The following PPP2R5C variants were observed in gnomAD, a reference collection of about 807,000 sequenced individuals.
PPP2R5C encodes protein phosphatase 2 regulatory subunit B'gamma, also known as serine/threonine-protein phosphatase 2A 56 kDa regulatory subunit gamma isoform.
In PPP2R5C, 7 loss-of-function variants were observed where a neutral mutation model predicts 68.9. That is an observed-to-expected ratio of 0.10 (90% CI 0.06 to 0.19). The LOEUF (loss-of-function observed/expected upper bound fraction) is 0.19. Ranked by LOEUF, PPP2R5C falls within the 10% of genes least tolerant of loss-of-function variation. The pLI is 1.00. For synonymous variants in PPP2R5C, 210 were observed against 222.2 expected (o/e 0.95, Z 0.49); for missense variants, 348 against 641.3 (o/e 0.54, Z 4.94).
At chr14:101,872,336 C>CCTCACACCCCAACCCCAA (rs2043480200) in intron 2 of PPP2R5C, among the ~76,000 whole-genome samples, 1 of 151,154 alleles carries the variant, frequency 6.6e-6, no homozygotes, top group Non-Finnish European at 1.5e-5. Context: ...AGTCCTCCCA[C>CCTCACACCCCAACCCCAA]CTCACACCCC....
chr14:101,779,980 T>C (rs1170041427), intron 2 of PPP2R5C, among the ~76,000 whole-genome samples: 1 of 152,108 alleles, frequency 6.6e-6, no homozygotes, highest in Non-Finnish European at 1.5e-5. Context: ...AAGCCCCAGG[T>C]CCCCATTGCC....
rs373965361 is a variant in PPP2R5C, at chr14:101,883,582, C to T, written c.629+20C>T. ...TTATAGGTAAGTCACGTGTGGATGG[C>T]GTTGTCCTTGTGTGTGGTGATGCTC... On this transcript the variant is annotated intron_variant, in intron 5 of 13. Coordinates refer to ENST00000334743, the Ensembl canonical transcript of PPP2R5C. 8.1e-6 allele frequency: 13 copies of T among 1,609,664 alleles called. No individual in the cohort carries two copies. Among genetic ancestry groups the T allele is most frequent in the African/African-American group, 8.0e-5 (6 of 74,606 alleles).
At chr14:101,765,026 A>G (rs761903300) in intron 2 of PPP2R5C, 2 of 614,214 alleles carry the variant, frequency 3.3e-6, no homozygotes, top group Non-Finnish European at 5.9e-6. Flanking sequence ...TCAGTAGTTC[A>G]AAGATACCAA....
chr14:101,904,118 G>A (rs962274040), intron 9 of PPP2R5C, among the ~76,000 whole-genome samples: 2 of 152,088 alleles, frequency 1.3e-5, no homozygotes, highest in African/African-American at 4.8e-5. Flanking sequence ...TATATTGGTG[G>A]GTGGTGGGTG....
At chr14:101,884,497 G>T (rs1241226171) in intron 5 of PPP2R5C, among the ~76,000 whole-genome samples, 1 of 152,236 alleles carries the variant, frequency 6.6e-6, no homozygotes, top group Non-Finnish European at 1.5e-5. Flanking sequence ...GGCAAGAAGT[G>T]ATGTCATTCA....
intron 1 of PPP2R5C, chr14:101,818,282 CATCTTT>C (rs1262394020): frequency 2.6e-5 from 4 of 152,242 alleles, no homozygotes; most frequent in African/African-American, 9.7e-5. Flanking sequence ...CTCCCCTCCT[CATCTTT>C]AACTCTTTTG....
At chr14:101,885,348 C>T (rs1203619034) in intron 5 of PPP2R5C, among the ~76,000 whole-genome samples, 1 of 151,858 alleles carries the variant, frequency 6.6e-6, no homozygotes, top group Non-Finnish European at 1.5e-5. Context: ...CAGCCTGCGT[C>T]GGGAGCACCC....
At chr14:101,760,714 G>A (rs1367241460), upstream of PPP2R5C, 163 of 932,726 alleles carry the variant, frequency 1.7e-4, no homozygotes, top group Non-Finnish European at 2.0e-4. Context: ...AGGAGCTGCG[G>A]AAAGCTGAGC....
intron 3 of PPP2R5C, among the ~76,000 whole-genome samples, chr14:101,799,977 T>G (rs115812626): frequency 0.012 from 1,759 of 152,346 alleles, 29 homozygotes; most frequent in African/African-American, 0.04. Context: ...ATTATTTTTA[T>G]GCCAGGTGCA....
chr14:101,842,086 G>A (rs181241799), intron 1 of PPP2R5C, among the ~76,000 whole-genome samples: 1 of 152,238 alleles, frequency 6.6e-6, no homozygotes, highest in African/African-American at 2.4e-5. Flanking sequence ...GCAGACTTAT[G>A]GGTAGAGAAG....
rs2043863147 is a variant in PPP2R5C, at chr14:101,877,568, G to A, written c.295-4593G>A. On this transcript the variant is annotated intron_variant, in intron 2 of 13. Coordinates refer to ENST00000334743, the Ensembl canonical transcript of PPP2R5C. This position sits in a 1 kb window ranked among gnomAD's most constrained non-coding sequence, Gnocchi z 4.2. ...ATCCATGCATCCAGGTAGCATGGCA[G>A]TGACATTTGCACACAGACATCAGCA... Among the ~76,000 whole-genome samples, 1 of 152,120 alleles carries A rather than the reference G, an allele frequency of 6.6e-6. No homozygotes were observed. Among genetic ancestry groups the A allele is most frequent in the Non-Finnish European group, 1.5e-5 (1 of 68,022 alleles).
chr14:101,872,065 G>A (rs996952568), intron 2 of PPP2R5C, among the ~76,000 whole-genome samples: 2 of 151,724 alleles, frequency 1.3e-5, no homozygotes, highest in African/African-American at 4.8e-5. Context: ...ACAATTTTCA[G>A]TGTTCATCAT....
intron 1 of PPP2R5C, among the ~76,000 whole-genome samples, chr14:101,837,084 T>C (rs1020325945): frequency 6.6e-6 from 1 of 152,236 alleles, no homozygotes; most frequent in Non-Finnish European, 1.5e-5. Flanking sequence ...GTAGAGACTT[T>C]CAGGTTTGAT....
Position 101,860,456 on chromosome 14 carries a change from T to C in PPP2R5C, c.294+3571T>C, listed in dbSNP as rs745975482. Among the ~76,000 whole-genome samples the C allele has an allele frequency of 7.2e-5, 11 of 152,230 alleles. No individual in the cohort carries two copies. In the East Asian group the frequency reaches 2.1e-3, roughly 29 times the overall value. On this transcript the variant is annotated intron_variant, in intron 2 of 13. Transcript: ENST00000334743. ...ACGTATCTGTTGATGGACACTATATTATGTCCATTTGGGGGCTGTTATGAA... is the reference window on the plus strand; with the variant it reads ...ACGTATCTGTTGATGGACACTATATCATGTCCATTTGGGGGCTGTTATGAA...
chr14:101,856,569 C>CT (rs2042436888), intron 1 of PPP2R5C, 117 bp from the exon 4 acceptor site: 1 of 969,138 alleles, frequency 1.0e-6, no homozygotes, highest in African/African-American at 1.6e-5. Context: ...CCCCACCCAT[C>CT]TCCTTTTTTC....
intron 1 of PPP2R5C, among the ~76,000 whole-genome samples, chr14:101,828,936 C>G (rs939593926): frequency 5.3e-5 from 8 of 152,222 alleles, no homozygotes; most frequent in African/African-American, 1.9e-4. Flanking sequence ...GCCTCGGCTT[C>G]TCAAAGTGCT....
intron 1 of PPP2R5C, among the ~76,000 whole-genome samples, chr14:101,811,353 T>G (rs1364940919): frequency 6.6e-6 from 1 of 152,192 alleles, no homozygotes; most frequent in Non-Finnish European, 1.5e-5. Flanking sequence ...TTGTTTGTTT[T>G]TTGGGAGACA....
chr14:101,814,279 T>G (rs2039532013), intron 1 of PPP2R5C, among the ~76,000 whole-genome samples: 1 of 152,242 alleles, frequency 6.6e-6, no homozygotes, highest in Admixed American at 6.5e-5. Flanking sequence ...TAACTGCAGC[T>G]CTCTGCAAAG....
chr14:101,762,067 G>A, intron 1 of PPP2R5C, 147 bp downstream of exon 1: 9 of 864,126 alleles, frequency 1.0e-5, no homozygotes, highest in Non-Finnish European at 1.3e-5. Context: ...GGCCGAGCCA[G>A]GCATCCCCGG....
Sources: gnomAD v4.1 joint callset for allele counts (sites outside exome capture counted in the v4.1 genomes callset) on GRCh38, gnomAD v4.1.1 for gene constraint, Gnocchi (gnomAD v3.1) non-coding constraint, MANE v1.5 for transcripts, NCBI Gene and HGNC (gene_info 2026-07-23, HGNC 2026-07-21) for gene names.